PLA2G4A: variants seen among roughly 807,000 people sequenced by gnomAD.
PLA2G4A encodes phospholipase A2 group IVA.
A neutral mutation model predicts 81.9 loss-of-function variants in PLA2G4A; 40 were observed. The observed-to-expected ratio is 0.49, with a 90% CI of 0.38 to 0.64. The LOEUF (loss-of-function observed/expected upper bound fraction) is 0.64, where lower values mean the gene tolerates loss of function less well. PLA2G4A is among the 30% of genes least tolerant of loss of function. PLA2G4A has a pLI of 0.00. For missense variants in PLA2G4A, 715 were observed against 905.1 expected (o/e 0.79, Z 2.69); for synonymous variants, 302 against 296.9 (o/e 1.02, Z -0.18).
chr1:186,955,734 C>CTTTTTTTTT (rs59494152), intron 13 of PLA2G4A, among the ~76,000 whole-genome samples: 7 of 108,816 alleles, frequency 6.4e-5, no homozygotes, highest in South Asian at 3.5e-4. Flanking sequence ...AAGAAGATCC[C>CTTTTTTTTT]TTTTTTTTTT....
chr1:186,982,206 G>C (rs1481671634), intron 17 of PLA2G4A, among the ~76,000 whole-genome samples: 1 of 152,172 alleles, frequency 6.6e-6, no homozygotes. Flanking sequence ...GTATCTCCAA[G>C]TCCTTTAGTT....
At chr1:186,949,342 GAAAGAGAA>G (rs912085791) in intron 12 of PLA2G4A, among the ~76,000 whole-genome samples, 7 of 116,112 alleles carry the variant, frequency 6.0e-5, no homozygotes, top group East Asian at 2.4e-4. Flanking sequence ...AAAGAAGAAA[GAAAGAGAA>G]AGAAAGAAAG....
intron 1 of PLA2G4A, among the ~76,000 whole-genome samples, chr1:186,832,186 A>G (rs1209117673): frequency 6.6e-6 from 1 of 152,084 alleles, no homozygotes; most frequent in African/African-American, 2.4e-5. Flanking sequence ...ATTTAGATTT[A>G]TAATAGTTTT....
chr1:186,973,110 T>G lies in PLA2G4A; in HGVS notation c.1765-4483T>G, dbSNP rs12720675. On this transcript the variant is annotated intron_variant, in intron 15 of 17. Coordinates refer to ENST00000367466, the MANE Select transcript of PLA2G4A (RefSeq NM_024420.3). ...TCTCTTGTACTAGTTTCCTGGAACT[T>G]CTGTAACAAATTACCCCAAACATGG... is the stretch of plus-strand genomic sequence containing the variant. 5.9e-3 allele frequency among the ~76,000 whole-genome samples: 904 copies of G among 152,226 alleles called. 5 individuals are homozygous for G. The highest frequency in any genetic ancestry group is 0.02 in the Middle Eastern group (6 of 294).
chr1:186,967,014 A>G (rs1657155745), intron 15 of PLA2G4A, among the ~76,000 whole-genome samples: 1 of 152,080 alleles, frequency 6.6e-6, no homozygotes. Context: ...TGGAGTTATT[A>G]TTTTGATTTT....
At chr1:186,884,938 C>T (rs1380428312) in intron 3 of PLA2G4A, among the ~76,000 whole-genome samples, 2 of 151,310 alleles carry the variant, frequency 1.3e-5, no homozygotes, top group East Asian at 2.0e-4. Flanking sequence ...CTGCAAGCCA[C>T]GTTTTCCCTC....
intron 17 of PLA2G4A, among the ~76,000 whole-genome samples, chr1:186,982,549 G>A (rs1002583515): frequency 1.3e-5 from 2 of 152,172 alleles, no homozygotes; most frequent in African/African-American, 4.8e-5. Flanking sequence ...TAACAACATA[G>A]ACAAGTTTGT....
intron 7 of PLA2G4A, among the ~76,000 whole-genome samples, chr1:186,920,959 A>G (rs1052127116): frequency 1.3e-5 from 2 of 152,166 alleles, no homozygotes; most frequent in African/African-American, 4.8e-5. Flanking sequence ...CATGTTAATC[A>G]TGTGCTGATT....
At chr1:186,859,219 A>C (rs1218042374) in intron 2 of PLA2G4A, among the ~76,000 whole-genome samples, 1 of 152,154 alleles carries the variant, frequency 6.6e-6, no homozygotes, top group African/African-American at 2.4e-5. Context: ...ATTTGCAGCC[A>C]GCAAGCTCTC....
At chr1:186,834,558 G>A (rs944592102) in intron 1 of PLA2G4A, among the ~76,000 whole-genome samples, 33 of 152,036 alleles carry the variant, frequency 2.2e-4, no homozygotes, top group African/African-American at 7.5e-4. Flanking sequence ...CTCTCCTGGT[G>A]CGTGTTTCCA....
chr1:186,962,734 A>G (rs899578263), intron 14 of PLA2G4A, among the ~76,000 whole-genome samples: 4 of 151,892 alleles, frequency 2.6e-5, no homozygotes. Flanking sequence ...GTTAGTCAGG[A>G]TGGTCTCGAT....
At chr1:186,948,148 G>A (rs557974136) in intron 12 of PLA2G4A, among the ~76,000 whole-genome samples, 1 of 152,204 alleles carries the variant, frequency 6.6e-6, no homozygotes, top group Admixed American at 6.5e-5. Flanking sequence ...ATATTTTCAA[G>A]AGTGTCATTT....
chr1:186,921,155 T>C (rs1655336330), intron 7 of PLA2G4A, among the ~76,000 whole-genome samples: 1 of 152,180 alleles, frequency 6.6e-6, no homozygotes, highest in Non-Finnish European at 1.5e-5. Context: ...AGCCTTTCCA[T>C]GTCTGGTCTC....
intron 1 of PLA2G4A, among the ~76,000 whole-genome samples, chr1:186,852,636 A>C (rs1435611722): frequency 6.6e-6 from 1 of 152,014 alleles, no homozygotes; most frequent in African/African-American, 2.4e-5. Context: ...GCTAAGAGAG[A>C]GAGCCCATTC....
In PLA2G4A at chr1:186,988,432, G is replaced by T; in HGVS notation, c.2174G>T (p.Arg725Leu). The T allele has an allele frequency of 1.2e-6, 2 of 1,610,722 alleles. No individual in the cohort carries two copies. Among genetic ancestry groups the T allele is most frequent in the Non-Finnish European group, 1.7e-6 (2 of 1,177,094 alleles). Reference sequence around the variant, plus strand: ...GAATATAGAAGACAGAATCCATCTCGTTGCTCTGTTTCCCTTAGTAATGTT... The same window carrying T: ...GAATATAGAAGACAGAATCCATCTCTTTGCTCTGTTTCCCTTAGTAATGTT... ...SIEYRRQNPS[R>L]CSVSLSNVEA... The change falls in exon 18 of 18, where the codon CGT becomes CTT. Residue 725 changes from arginine (R) to leucine (L), a missense_variant. Transcript: ENST00000367466.
At chr1:186,857,154 C>T (rs1483998493) in intron 2 of PLA2G4A, among the ~76,000 whole-genome samples, 25,149 of 38,072 alleles carry the variant, frequency 0.66, 7,678 homozygotes, top group South Asian at 0.68. Context: ...TATATAATTA[C>T]ATAATATAAT....
At chr1:186,857,117 A>AATTATATTAT (rs1436163869) in intron 2 of PLA2G4A, among the ~76,000 whole-genome samples, 1 of 55,656 alleles carries the variant, frequency 1.8e-5, no homozygotes, top group African/African-American at 1.0e-4. Context: ...ATAATTATAT[A>AATTATATTAT]ATATTCTATA....
In PLA2G4A at chr1:186,892,994, G is replaced by A; in HGVS notation, c.116-17G>A. 1 of 1,590,418 alleles carries A rather than the reference G, an allele frequency of 6.3e-7. No homozygotes were observed. The highest frequency in any genetic ancestry group is 8.6e-7 in the Non-Finnish European group (1 of 1,158,528). On this transcript the variant is annotated splice_polypyrimidine_tract_variant and intron_variant, in intron 3 of 17. Coordinates refer to ENST00000367466, the MANE Select transcript of PLA2G4A (RefSeq NM_024420.3). ...TCACATTTCTACCTCCTTCTTGTTT[G>A]TGTTTACTATCTGTAGTTGATACTC...
intron 13 of PLA2G4A, among the ~76,000 whole-genome samples, chr1:186,951,771 G>A (rs920864945): frequency 2.0e-5 from 3 of 152,142 alleles, no homozygotes; most frequent in African/African-American, 7.2e-5. Flanking sequence ...CAGGGCCATG[G>A]CTTGGCTAGT....
Sources: gnomAD v4.1 joint callset for allele counts (sites outside exome capture counted in the v4.1 genomes callset) on GRCh38, gnomAD v4.1.1 for gene constraint, MANE v1.5 for transcripts, NCBI Gene and HGNC (gene_info 2026-07-23, HGNC 2026-07-21) for gene names.